Variants in SFMBT2 observed in about 807,000 individuals in gnomAD.
SFMBT2 encodes the protein Scm like with four mbt domains 2, also known as scm-like with four MBT domains protein 2.
A neutral mutation model predicts 110.1 loss-of-function variants in SFMBT2; 38 were observed. That is an observed-to-expected ratio of 0.35 (90% CI 0.27 to 0.45). The LOEUF is 0.45. Ranked by LOEUF, SFMBT2 falls within the 20% of genes least tolerant of loss-of-function variation. The probability of loss-of-function intolerance (pLI) is 1.00; values close to 1 mark genes in which losing one functional copy is unlikely to be tolerated. For missense variants in SFMBT2, 1,011 were observed against 1,094.9 expected, an observed-to-expected ratio of 0.92 and a Z score of 1.08; for synonymous variants, 425 against 425.4, an observed-to-expected ratio of 1.00 and a Z score of 0.01.
chr10:7,203,424 G>A (rs991724417), intron 12 of SFMBT2: 1 of 215,992 alleles, frequency 4.6e-6, no homozygotes, highest in Non-Finnish European at 7.9e-6. Flanking sequence ...AGCGGGGTGG[G>A]GATGCCTGAC....
chr10:7,370,576 C>T (rs1458471954), intron 2 of SFMBT2, among the ~76,000 whole-genome samples: 5 of 152,254 alleles, frequency 3.3e-5, no homozygotes, highest in African/African-American at 9.6e-5. Context: ...TGGGACATTC[C>T]GCTTTGACTG....
At chr10:7,235,470 C>T (rs185630795) in intron 9 of SFMBT2, among the ~76,000 whole-genome samples, 1 of 151,932 alleles carries the variant, frequency 6.6e-6, no homozygotes, top group Admixed American at 6.6e-5. Context: ...TCTAATGATC[C>T]TGAATCTGAA....
chr10:7,203,574 G>A (rs1839027271), intron 12 of SFMBT2: 1 of 495,802 alleles, frequency 2.0e-6, no homozygotes, highest in South Asian at 8.7e-5. Flanking sequence ...TCCATGTGAA[G>A]AGGGGAGGAA....
intron 12 of SFMBT2, chr10:7,202,978 G>A (rs1003807393): frequency 7.5e-5 from 74 of 985,292 alleles, no homozygotes; most frequent in East Asian, 1.1e-4. Flanking sequence ...TTCACAAAAG[G>A]AGAACCAGTA....
intron 1 of SFMBT2, among the ~76,000 whole-genome samples, chr10:7,384,238 A>AAAAAAAAAAAAAAAAAAAAT (rs1554812962): frequency 6.9e-6 from 1 of 145,412 alleles, no homozygotes; most frequent in Non-Finnish European, 1.5e-5. Context: ...AAAAAAAAAA[A>AAAAAAAAAAAAAAAAAAAAT]CAACCACAGA....
chr10:7,200,082 C>T (rs1838903312), intron 14 of SFMBT2, among the ~76,000 whole-genome samples: 1 of 152,050 alleles, frequency 6.6e-6, no homozygotes, highest in South Asian at 2.1e-4. Context: ...AAAGAAATTG[C>T]CTAATGAGAT....
chr10:7,181,698 T>C (rs1838250626), intron 16 of SFMBT2, among the ~76,000 whole-genome samples: 1 of 152,194 alleles, frequency 6.6e-6, no homozygotes. Flanking sequence ...TAAGGATAAA[T>C]TGATTGTGAA....
At chr10:7,254,414 A>G (rs991017874) in intron 7 of SFMBT2, among the ~76,000 whole-genome samples, 2 of 152,090 alleles carry the variant, frequency 1.3e-5, no homozygotes, top group Admixed American at 1.3e-4. Flanking sequence ...TTCAAAACAA[A>G]TTTTTTTACT....
intron 7 of SFMBT2, among the ~76,000 whole-genome samples, chr10:7,254,239 C>T (rs750297679): frequency 9.9e-5 from 15 of 152,092 alleles, no homozygotes; most frequent in Admixed American, 2.0e-4. Flanking sequence ...CATTCCGATC[C>T]TATATTCTAT....
At position 7,172,468 on chromosome 10, in the gene SFMBT2, C is replaced by G; in HGVS notation, c.2151+27G>C. ...CAGGGCCAGATGACAGAGCTACAGG[C>G]TGGCAGGTGCCCCGGGCAGAACATA... On this transcript the variant is annotated intron_variant, in intron 18 of 20. Coordinates refer to ENST00000397167, the MANE Select transcript of SFMBT2 (RefSeq NM_001387889.1). This position sits in a 1 kb window ranked among gnomAD's most constrained non-coding sequence, Gnocchi z 4.6. 1 of 1,612,830 alleles carries G rather than the reference C, an allele frequency of 6.2e-7. No individual in the cohort carries two copies.
At chr10:7,320,018 GAGACAGAAAGAGAAAGAGAGAGACAA>G (rs1206404980) in intron 4 of SFMBT2, among the ~76,000 whole-genome samples, 59 of 151,654 alleles carry the variant, frequency 3.9e-4, no homozygotes, top group African/African-American at 1.4e-3. Context: ...GAGAAGGAGA[GAGACAGAAAGAGAAAGAGAGAGACAA>G]AGACAGACAG....
chr10:7,246,786 T>C (rs553080611), intron 8 of SFMBT2, among the ~76,000 whole-genome samples: 88 of 113,578 alleles, frequency 7.7e-4, no homozygotes, highest in African/African-American at 2.4e-3. Context: ...ACATCAAGTC[T>C]GTTGAGTTTA....
intron 8 of SFMBT2, 54 bp downstream of exon 8, chr10:7,248,494 C>T (rs1429755066): frequency 6.9e-7 from 1 of 1,448,442 alleles, no homozygotes; most frequent in Non-Finnish European, 9.7e-7. Flanking sequence ...AGTTGAAAGG[C>T]TTAATTTGAT....
At chr10:7,191,144 A>C (rs766252280) in intron 15 of SFMBT2, among the ~76,000 whole-genome samples, 3 of 152,018 alleles carry the variant, frequency 2.0e-5, no homozygotes, top group Non-Finnish European at 4.4e-5. Context: ...TTGATCACCA[A>C]TGTGAAAACG....
intron 4 of SFMBT2, among the ~76,000 whole-genome samples, chr10:7,305,090 C>A (rs1842654728): frequency 6.6e-6 from 1 of 152,184 alleles, no homozygotes; most frequent in Non-Finnish European, 1.5e-5. Context: ...AGTGGAAGTT[C>A]TTTTAGCAAA....
At position 7,163,698 on chromosome 10, in the gene SFMBT2, C is replaced by A; in HGVS notation, c.*72G>T. The A allele has an allele frequency of 7.2e-7, 1 of 1,396,442 alleles. No homozygotes were observed. The highest frequency in any genetic ancestry group is 1.3e-5 in the South Asian group (1 of 79,344). 86.5% of individuals were successfully genotyped at this position (1,396,442 alleles called of 1,614,324 possible). On this transcript the variant is annotated 3_prime_UTR_variant, in exon 21 of 21. Transcript: ENST00000397167. This position sits in a 1 kb window ranked among gnomAD's most constrained non-coding sequence, Gnocchi z 4.8. Reference sequence around the variant, plus strand: ...TACCATTTAACATATCCCGGAAAATCAAAGTTTCAGTCCTGGAAACCTTTA... The same window carrying A: ...TACCATTTAACATATCCCGGAAAATAAAAGTTTCAGTCCTGGAAACCTTTA...
intron 1 of SFMBT2, among the ~76,000 whole-genome samples, chr10:7,400,896 G>GC (rs1846062852): frequency 6.6e-6 from 1 of 152,216 alleles, no homozygotes; most frequent in Non-Finnish European, 1.5e-5. Flanking sequence ...ACTTCAGGAA[G>GC]CCGAGGCGGG....
intron 4 of SFMBT2, among the ~76,000 whole-genome samples, chr10:7,319,903 A>G (rs1186343968): frequency 7.0e-6 from 1 of 143,502 alleles, no homozygotes. Context: ...AGACAGAGAG[A>G]GACTAAGAGA....
intron 7 of SFMBT2, among the ~76,000 whole-genome samples, chr10:7,264,981 T>C (rs1288661492): frequency 1.3e-5 from 2 of 151,424 alleles, no homozygotes; most frequent in African/African-American, 2.4e-5. Context: ...GTGTAGACAT[T>C]AAGCCTAGTC....
Sources: gnomAD v4.1 joint callset for allele counts (sites outside exome capture counted in the v4.1 genomes callset) on GRCh38, gnomAD v4.1.1 for gene constraint, Gnocchi (gnomAD v3.1) non-coding constraint, MANE v1.5 for transcripts, NCBI Gene and HGNC (gene_info 2026-07-23, HGNC 2026-07-21) for gene names.